Variants in CRADD observed in about 807,000 individuals in gnomAD.
CRADD encodes the protein death domain-containing protein CRADD.
CRADD carries 9 observed loss-of-function variants against 15.5 expected under a neutral mutation model. The observed-to-expected ratio is 0.58, with a 90% CI of 0.35 to 1.01. The LOEUF (loss-of-function observed/expected upper bound fraction) is 1.01, where lower values mean the gene tolerates loss of function less well. Ranked by LOEUF, CRADD falls within the 50% of genes least tolerant of loss-of-function variation. The pLI, the probability that CRADD is intolerant of heterozygous loss-of-function variation, is 0.02. For synonymous variants in CRADD, 118 were observed against 107.6 expected (o/e 1.10, Z -0.60); for missense variants, 227 against 250.3 (o/e 0.91, Z 0.63).
downstream of CRADD, among the ~76,000 whole-genome samples, chr12:93,854,454 G>A (rs1404170381): frequency 6.6e-6 from 1 of 152,204 alleles, no homozygotes; most frequent in Admixed American, 6.5e-5. Context: ...CCCTTTTGCT[G>A]ACATTTCTGG....
chr12:93,833,754 T>TA (rs1283576747), intron 2 of CRADD, among the ~76,000 whole-genome samples: 2 of 152,058 alleles, frequency 1.3e-5, no homozygotes, highest in African/African-American at 2.4e-5. Flanking sequence ...TTTTTTCACA[T>TA]AAAAATGTTA....
At chr12:93,680,755 GCAT>G (rs1190783175) in intron 2 of CRADD, among the ~76,000 whole-genome samples, 2 of 152,184 alleles carry the variant, frequency 1.3e-5, no homozygotes, top group Non-Finnish European at 2.9e-5. Flanking sequence ...GTTTCTGCTG[GCAT>G]CATATAGTTG....
intron 2 of CRADD, among the ~76,000 whole-genome samples, chr12:93,828,079 CTTTT>C (rs1364489220): frequency 6.6e-6 from 1 of 152,174 alleles, no homozygotes; most frequent in Non-Finnish European, 1.5e-5. Context: ...TGTTGAGTGT[CTTTT>C]TAAGTATTTA....
chr12:93,776,742 G>A (rs6538453), intron 2 of CRADD, among the ~76,000 whole-genome samples: 80,607 of 152,072 alleles, frequency 0.53, 21,829 homozygotes, highest in East Asian at 0.69. Flanking sequence ...AAAGACTACA[G>A]TGTGGATAAC....
At chr12:93,708,011 G>A (rs1324918872) in intron 2 of CRADD, 1 of 152,204 alleles carries the variant, frequency 6.6e-6, no homozygotes, top group Non-Finnish European at 1.5e-5. Context: ...AGTCCTCTGA[G>A]TCATTGTGCA....
chr12:93,767,732 A>G (rs1253674720), intron 2 of CRADD, among the ~76,000 whole-genome samples: 1 of 152,220 alleles, frequency 6.6e-6, no homozygotes, highest in African/African-American at 2.4e-5. Flanking sequence ...TCTTAGAGGA[A>G]GGCAGGGTTC....
intron 2 of CRADD, among the ~76,000 whole-genome samples, chr12:93,821,930 C>T (rs546518648): frequency 4.8e-4 from 73 of 152,118 alleles, no homozygotes; most frequent in African/African-American, 1.5e-3. Context: ...CCAGCCTTGC[C>T]AACATGGTGA....
At chr12:93,678,552 A>C (rs574741278) in intron 1 of CRADD, among the ~76,000 whole-genome samples, 1 of 152,312 alleles carries the variant, frequency 6.6e-6, no homozygotes, top group South Asian at 2.1e-4. Flanking sequence ...AAAAGCAGAA[A>C]CAGAAAAGAT....
intron 2 of CRADD, among the ~76,000 whole-genome samples, chr12:93,692,403 C>T (rs114377650): frequency 6.6e-6 from 1 of 152,170 alleles, no homozygotes; most frequent in East Asian, 1.9e-4. Context: ...TCAATCCAAA[C>T]AAGACTACAC....
chr12:93,870,048 A>G (rs1958404901), intron 2 of CRADD, among the ~76,000 whole-genome samples: 1 of 152,234 alleles, frequency 6.6e-6, no homozygotes, highest in South Asian at 2.1e-4. Flanking sequence ...GCCCAATAAA[A>G]GACACATTTA....
intron 2 of CRADD, among the ~76,000 whole-genome samples, chr12:93,759,914 A>T (rs1016514272): frequency 6.6e-6 from 1 of 152,186 alleles, no homozygotes; most frequent in African/African-American, 2.4e-5. Context: ...ATAAACTGAC[A>T]TGGGGCTGAC....
intron 2 of CRADD, among the ~76,000 whole-genome samples, chr12:93,773,178 GCT>G (rs1957102803): frequency 6.6e-6 from 1 of 152,154 alleles, no homozygotes; most frequent in Non-Finnish European, 1.5e-5. Context: ...GTCAGAGTAG[GCT>G]CTCTGCTGTA....
chr12:93,882,908 C>G (rs543216919), intron 2 of CRADD, among the ~76,000 whole-genome samples: 39 of 152,208 alleles, frequency 2.6e-4, no homozygotes, highest in African/African-American at 9.4e-4. Context: ...TTTCCATTTC[C>G]TTTCCATTCT....
intron 2 of CRADD, among the ~76,000 whole-genome samples, chr12:93,819,993 C>T (rs1257921395): frequency 1.3e-5 from 2 of 152,226 alleles, no homozygotes; most frequent in Admixed American, 1.3e-4. Flanking sequence ...CAAAAGTCAT[C>T]TCTGCTTCCC....
intron 2 of CRADD, among the ~76,000 whole-genome samples, chr12:93,841,871 T>TAA (rs1298019870): frequency 6.6e-6 from 1 of 152,148 alleles, no homozygotes; most frequent in East Asian, 1.9e-4. Flanking sequence ...ATATGACACT[T>TAA]ACATCAGTAA....
intron 2 of CRADD, among the ~76,000 whole-genome samples, chr12:93,753,350 A>G (rs1239864972): frequency 6.6e-6 from 1 of 152,186 alleles, no homozygotes; most frequent in Non-Finnish European, 1.5e-5. Flanking sequence ...GGACACAGCC[A>G]AACCATATCA....
At chr12:93,684,424 G>C (rs990166999) in intron 2 of CRADD, among the ~76,000 whole-genome samples, 14 of 152,148 alleles carry the variant, frequency 9.2e-5, no homozygotes, top group Non-Finnish European at 1.8e-4. Context: ...TGCCACTGCT[G>C]ATCCAATAGG....
intron 2 of CRADD, among the ~76,000 whole-genome samples, chr12:93,882,440 C>T (rs1281180664): frequency 1.4e-5 from 2 of 138,600 alleles, no homozygotes; most frequent in East Asian, 2.1e-4. Context: ...AAAAAAAAAA[C>T]GGAAAAGAAA....
chr12:93,766,720 C>T (rs1035976926), intron 2 of CRADD, among the ~76,000 whole-genome samples: 1 of 152,202 alleles, frequency 6.6e-6, no homozygotes, highest in Admixed American at 6.5e-5. Flanking sequence ...TTTCAGAAGA[C>T]AGATGGTTTT....
Sources: gnomAD v4.1 joint callset for allele counts (sites outside exome capture counted in the v4.1 genomes callset) on GRCh38, gnomAD v4.1.1 for gene constraint, MANE v1.5 for transcripts, NCBI Gene and HGNC (gene_info 2026-07-23, HGNC 2026-07-21) for gene names.